The following UNC13C variants were observed in gnomAD, a reference collection of about 807,000 sequenced individuals.
The protein encoded by UNC13C is protein unc-13 homolog C.
UNC13C carries 174 observed loss-of-function variants against 245.4 expected under a neutral mutation model. The ratio of observed to expected loss-of-function variants is 0.71; its 90% CI spans 0.63 to 0.80. The LOEUF (loss-of-function observed/expected upper bound fraction) is 0.80. Among genes scored for constraint, UNC13C ranks in the 30% least tolerant of loss-of-function variants. The pLI, the probability that UNC13C is intolerant of heterozygous loss-of-function variation, is 0.00. For missense variants in UNC13C, 2,829 were observed against 2,602.9 expected, an observed-to-expected ratio of 1.09 and a Z score of -1.89; for synonymous variants, 992 against 895.1, an observed-to-expected ratio of 1.11 and a Z score of -1.93.
chr15:54,050,440 G>C, intron 2 of UNC13C: 2 of 553,256 alleles, frequency 3.6e-6, no homozygotes, highest in South Asian at 2.8e-5. Context: ...GCTGACCTGG[G>C]CTTGCTGAGC....
chr15:54,099,060 T>A (rs930465554), intron 2 of UNC13C, among the ~76,000 whole-genome samples: 1 of 152,218 alleles, frequency 6.6e-6, no homozygotes, highest in African/African-American at 2.4e-5. Flanking sequence ...GGCTTAGCAG[T>A]CCCTTGGTTT....
At chr15:54,066,683 G>A (rs1042267076) in intron 2 of UNC13C, among the ~76,000 whole-genome samples, 1 of 152,176 alleles carries the variant, frequency 6.6e-6, no homozygotes, top group Non-Finnish European at 1.5e-5. Flanking sequence ...AGTTCATGAA[G>A]TTTCTAGGCA....
chr15:54,115,544 T>G (rs775699025), intron 2 of UNC13C, among the ~76,000 whole-genome samples: 18 of 152,170 alleles, frequency 1.2e-4, no homozygotes, highest in Admixed American at 2.6e-4. Context: ...GGGGTACATG[T>G]AATAATTTGA....
the UNC13C span, among the ~76,000 whole-genome samples, chr15:53,852,730 A>G: frequency 2.0e-5 from 3 of 152,164 alleles, no homozygotes; most frequent in Non-Finnish European, 4.4e-5. Context: ...ATAGCCCTGC[A>G]CTACCTATAT....
intron 30 of UNC13C, among the ~76,000 whole-genome samples, chr15:54,591,477 G>T (rs1163099206): frequency 6.6e-6 from 1 of 152,092 alleles, no homozygotes; most frequent in Non-Finnish European, 1.5e-5. Context: ...CTTGTTATTA[G>T]TCTGTTCAGG....
the UNC13C span, among the ~76,000 whole-genome samples, chr15:53,863,717 C>G: frequency 9.2e-5 from 14 of 152,170 alleles, no homozygotes; most frequent in Non-Finnish European, 1.6e-4. Context: ...GGTTGCCAGA[C>G]AACATTATAT....
intron 32 of UNC13C, among the ~76,000 whole-genome samples, chr15:54,625,316 T>C (rs1327834916): frequency 6.6e-6 from 1 of 150,434 alleles, no homozygotes; most frequent in East Asian, 1.9e-4. Flanking sequence ...GAGTTTTCTA[T>C]TGCAAACAGC....
At chr15:54,508,096 A>G (rs1238251112) in intron 23 of UNC13C, among the ~76,000 whole-genome samples, 1 of 152,060 alleles carries the variant, frequency 6.6e-6, no homozygotes, top group Non-Finnish European at 1.5e-5. Context: ...TATGCTGCCC[A>G]GAAATTTTAT....
At chr15:54,446,330 G>A (rs1229597449) in intron 19 of UNC13C, among the ~76,000 whole-genome samples, 2 of 152,262 alleles carry the variant, frequency 1.3e-5, no homozygotes, top group East Asian at 3.9e-4. Context: ...ATTCTGTGAA[G>A]AAAGTCATTG....
intron 18 of UNC13C, among the ~76,000 whole-genome samples, chr15:54,399,698 A>C (rs979865912): frequency 1.3e-5 from 2 of 151,896 alleles, no homozygotes; most frequent in African/African-American, 4.8e-5. Flanking sequence ...CAAGGATAAA[A>C]TCTGCCTATT....
the UNC13C span, among the ~76,000 whole-genome samples, chr15:53,847,312 G>A: frequency 5.9e-5 from 9 of 151,748 alleles, no homozygotes; most frequent in Admixed American, 5.9e-4. Context: ...CTAACAAAAA[G>A]AGAAAGGTTA....
intron 2 of UNC13C, among the ~76,000 whole-genome samples, chr15:54,057,962 G>A (rs1246755200): frequency 6.6e-6 from 1 of 152,208 alleles, no homozygotes; most frequent in Non-Finnish European, 1.5e-5. Context: ...ATTCAGAGCA[G>A]TGTGTAGAGG....
the UNC13C span, among the ~76,000 whole-genome samples, chr15:53,970,965 A>G: frequency 1.5e-3 from 231 of 152,134 alleles, 1 homozygote; most frequent in African/African-American, 5.1e-3. Flanking sequence ...ACCATTTTTC[A>G]TTTCCACCAA....
intron 2 of UNC13C, among the ~76,000 whole-genome samples, chr15:54,017,519 G>T (rs1895715395): frequency 6.6e-6 from 1 of 151,062 alleles, no homozygotes; most frequent in South Asian, 2.1e-4. Context: ...TGTGTGGTTT[G>T]TATATATCTG....
chr15:53,892,048 CA>C, the UNC13C span, among the ~76,000 whole-genome samples: 1 of 151,214 alleles, frequency 6.6e-6, no homozygotes, highest in Non-Finnish European at 1.5e-5. Flanking sequence ...TCTTGTAAGG[CA>C]AGAGCCTTAC....
intron 4 of UNC13C, among the ~76,000 whole-genome samples, chr15:54,229,363 G>A (rs1438153224): frequency 6.6e-6 from 1 of 152,096 alleles, no homozygotes; most frequent in Non-Finnish European, 1.5e-5. Flanking sequence ...GTGTTTTTTG[G>A]TGGATGCTTG....
At chr15:54,569,564 G>A (rs2141219643) in intron 30 of UNC13C, among the ~76,000 whole-genome samples, 1 of 152,078 alleles carries the variant, frequency 6.6e-6, no homozygotes, top group East Asian at 1.9e-4. Flanking sequence ...GACTGTGTGT[G>A]TGTGTGTGCA....
chr15:54,360,839 T>G (rs2140863413), intron 17 of UNC13C, among the ~76,000 whole-genome samples: 1 of 152,284 alleles, frequency 6.6e-6, no homozygotes, highest in South Asian at 2.1e-4. Context: ...AAAGGTGTAT[T>G]GGGGCTGTGT....
intron 1 of UNC13C, among the ~76,000 whole-genome samples, chr15:54,008,690 T>A (rs1188273155): frequency 6.6e-6 from 1 of 152,158 alleles, no homozygotes; most frequent in Non-Finnish European, 1.5e-5. Flanking sequence ...TTTGAGCTAT[T>A]TTACTTTAAA....
Sources: allele counts gnomAD v4.1 joint callset (sites outside exome capture counted in the v4.1 genomes callset), GRCh38; gene constraint gnomAD v4.1.1; transcripts MANE v1.5; gene names NCBI Gene and HGNC (gene_info 2026-07-23, HGNC 2026-07-21).